Variants in ATP2C1 observed in about 807,000 individuals in gnomAD.
ATP2C1 encodes ATPase secretory pathway Ca2+ transporting 1, also known as calcium-transporting ATPase type 2C member 1.
Under a neutral mutation model 120.5 loss-of-function variants are expected in ATP2C1, and 31 were observed. That is an observed-to-expected ratio of 0.26 (90% CI 0.19 to 0.35). The LOEUF (loss-of-function observed/expected upper bound fraction) is 0.35. ATP2C1 is among the 10% of genes least tolerant of loss of function. The probability of loss-of-function intolerance (pLI) is 1.00; values close to 1 mark genes in which losing one functional copy is unlikely to be tolerated. For synonymous variants in ATP2C1, 351 were observed against 358.7 expected (o/e 0.98, Z 0.24); for missense variants, 731 against 1,107.5 (o/e 0.66, Z 4.83).
intron 22 of ATP2C1, among the ~76,000 whole-genome samples, chr3:130,995,414 C>CA (rs778589516): frequency 4.3e-3 from 456 of 106,246 alleles, no homozygotes; most frequent in Middle Eastern, 0.024. Context: ...GACCCTGTCT[C>CA]AAAAAAAAAA....
chr3:130,962,441 A>G (rs147737648), intron 12 of ATP2C1, among the ~76,000 whole-genome samples: 19 of 152,066 alleles, frequency 1.2e-4, no homozygotes, highest in African/African-American at 4.1e-4. Context: ...TCTGAAATCA[A>G]TATTTATAAG....
exon 1 of ATP2C1, chr3:130,850,610 G>A (rs1230596656): frequency 5.9e-6 from 2 of 338,756 alleles, no homozygotes; most frequent in Non-Finnish European, 1.1e-5. Flanking sequence ...ATTTCTGGAC[G>A]CTTCTAGACA....
At chr3:131,005,561 G>C (rs937361260), downstream of ATP2C1, among the ~76,000 whole-genome samples, 1 of 152,232 alleles carries the variant, frequency 6.6e-6, no homozygotes, top group Admixed American at 6.5e-5. Context: ...GTGGGACACA[G>C]GTCCATCTGA....
At chr3:130,985,404 G>A (rs2061953770) in intron 20 of ATP2C1, among the ~76,000 whole-genome samples, 1 of 152,150 alleles carries the variant, frequency 6.6e-6, no homozygotes, top group African/African-American at 2.4e-5. Flanking sequence ...AGGCTGAGGT[G>A]GATGGATTGC....
upstream of ATP2C1, among the ~76,000 whole-genome samples, chr3:130,891,146 A>G (rs184147987): frequency 0.012 from 1,888 of 152,212 alleles, 32 homozygotes; most frequent in African/African-American, 0.043. Flanking sequence ...CAGCTAGGTG[A>G]AATTTCTTAA....
intron 1 of ATP2C1, among the ~76,000 whole-genome samples, chr3:130,857,519 G>A (rs546341461): frequency 1.8e-4 from 27 of 152,152 alleles, no homozygotes; most frequent in African/African-American, 3.1e-4. Context: ...CCCAAAGACC[G>A]TCATTACTTC....
At position 130,997,744 on chromosome 3, in the gene ATP2C1, C is replaced by T; in HGVS notation, c.2382C>T (p.Phe794=). 6.2e-7 allele frequency: 1 copy of T among 1,613,416 alleles called. No homozygotes were observed. The highest frequency in any genetic ancestry group is 1.1e-5 in the South Asian group (1 of 91,062). Residue 794 remains phenylalanine (F), a synonymous_variant, in exon 25 of 28, where the codon TTC becomes TTT. Transcript: ENST00000510168. ...TTGTTTGTGGGACTTTGTTTGTCTT[C>T]TGGCGTGAGGTATATTCACTGGCCA... ...IIIVCGTLFV[F]WRELRDNVIT... is the part of the protein sequence containing the mutation.
chr3:130,960,730 G>T (rs1420364461), intron 12 of ATP2C1, among the ~76,000 whole-genome samples: 1 of 152,076 alleles, frequency 6.6e-6, no homozygotes, highest in African/African-American at 2.4e-5. Flanking sequence ...AATTAGGGGG[G>T]CAATTGATCA....
chr3:130,893,787 C>G (rs769835930), upstream of ATP2C1, among the ~76,000 whole-genome samples: 1 of 152,176 alleles, frequency 6.6e-6, no homozygotes, highest in Non-Finnish European at 1.5e-5. Flanking sequence ...TGCATATAAA[C>G]GGGCGGACAC....
intron 16 of ATP2C1, 101 bp downstream of exon 16, chr3:130,967,520 GA>G (rs878984905): frequency 2.1e-6 from 2 of 938,660 alleles, no homozygotes; most frequent in Admixed American, 2.0e-5. Flanking sequence ...GGTATTGAGT[GA>G]AAAAAACTCA....
chr3:130,894,460 T>C lies in ATP2C1; in HGVS notation c.-181+123T>C, dbSNP rs1467631558. 1.5e-6 allele frequency: 2 copies of C among 1,341,288 alleles called. No individual in the cohort carries two copies. The highest frequency in any genetic ancestry group is 1.9e-6 in the Non-Finnish European group (2 of 1,042,332). The allele number at this position is 1,341,288 out of a possible 1,614,324, so 83.1% of individuals were successfully genotyped here. On this transcript the variant is annotated intron_variant, in intron 1 of 27. Transcript: ENST00000510168. This position sits in a 1 kb window ranked among gnomAD's most constrained non-coding sequence, Gnocchi z 4.5. Reference sequence around the variant, plus strand: ...AGGGCGCCGCCCCGCTGGCGTGAGCTGGGGACGTTGCGGGCACACGACGGG... The same window carrying C: ...AGGGCGCCGCCCCGCTGGCGTGAGCCGGGGACGTTGCGGGCACACGACGGG...
chr3:130,971,928 C>T (rs1470423741), intron 17 of ATP2C1, among the ~76,000 whole-genome samples: 3 of 152,166 alleles, frequency 2.0e-5, no homozygotes, highest in Non-Finnish European at 4.4e-5. Flanking sequence ...TGAAGGCTGG[C>T]ATCTCCCTAC....
Position 130,873,687 on chromosome 3 carries a change from C to T in ATP2C1, c.108+22759C>T, listed in dbSNP as rs56151430. Among the ~76,000 whole-genome samples, 1,412 of 151,986 alleles carry T rather than the reference C, an allele frequency of 9.3e-3. 16 individuals carry two copies. Among genetic ancestry groups the T allele is most frequent in the African/African-American group, 0.027 (1,121 of 41,464 alleles). On this transcript the variant is annotated intron_variant, in intron 1 of 26. Transcript: ENST00000504381. Reference sequence around the variant, plus strand: ...TAGAAACAAGTTGATGTGCAAACCACAAAATAATAAATATTTTTGCCTAGC... The same window carrying T: ...TAGAAACAAGTTGATGTGCAAACCATAAAATAATAAATATTTTTGCCTAGC...
At chr3:130,975,542 A>G in intron 18 of ATP2C1, 54 bp downstream of exon 18, 1 of 1,565,562 alleles carries the variant, frequency 6.4e-7, no homozygotes, top group South Asian at 1.1e-5. Context: ...CCTTCTTTTA[A>G]TTGCAGATGA....
intron 1 of ATP2C1, among the ~76,000 whole-genome samples, chr3:130,886,164 C>T (rs2068967472): frequency 6.6e-6 from 1 of 152,188 alleles, no homozygotes; most frequent in African/African-American, 2.4e-5. Flanking sequence ...TCACACCACT[C>T]TCTCGGCCTG....
chr3:130,994,525 T>C (rs1206956424), intron 22 of ATP2C1, among the ~76,000 whole-genome samples: 1 of 152,214 alleles, frequency 6.6e-6, no homozygotes, highest in African/African-American at 2.4e-5. Context: ...CATTTAATGT[T>C]ATAATTTATT....
chr3:130,897,425 G>C (rs2069727821), intron 2 of ATP2C1, among the ~76,000 whole-genome samples: 1 of 152,168 alleles, frequency 6.6e-6, no homozygotes, highest in Admixed American at 6.5e-5. Context: ...CTCTTGCAAA[G>C]TTGATGTGAG....
chr3:131,016,381 C>T lies in ATP2C1; in HGVS notation c.*192C>T, dbSNP rs760621836. ...CCCAAGGGCAGTATTTCTAAAAGCACTGTAACAGCTTTTCATTTTCTCCAC... is the reference window on the plus strand; with the variant it reads ...CCCAAGGGCAGTATTTCTAAAAGCATTGTAACAGCTTTTCATTTTCTCCAC... On this transcript the variant is annotated 3_prime_UTR_variant, in exon 27 of 27. Transcript: ENST00000328560. 20 of 1,599,490 alleles carry T rather than the reference C, an allele frequency of 1.3e-5. No homozygotes were observed. The East Asian group carries it at 4.2e-4, about 34-fold the overall frequency.
intron 2 of ATP2C1, among the ~76,000 whole-genome samples, chr3:130,915,687 A>T (rs1399239760): frequency 6.6e-6 from 1 of 152,132 alleles, no homozygotes; most frequent in Non-Finnish European, 1.5e-5. Context: ...TCGCAAGCCA[A>T]CACAAAAAAG....
Sources: gnomAD v4.1 joint callset for allele counts (sites outside exome capture counted in the v4.1 genomes callset) on GRCh38, gnomAD v4.1.1 for gene constraint, Gnocchi (gnomAD v3.1) non-coding constraint, MANE v1.5 for transcripts, NCBI Gene and HGNC (gene_info 2026-07-23, HGNC 2026-07-21) for gene names.